The following ADGRL3 variants were observed in gnomAD, a reference collection of about 807,000 sequenced individuals.
The protein encoded by ADGRL3 is calcium-independent alpha-latrotoxin receptor 3.
ADGRL3 carries 62 observed loss-of-function variants against 153.5 expected under a neutral mutation model. The observed-to-expected ratio is 0.40, with a 90% CI of 0.33 to 0.50. The LOEUF is 0.50. ADGRL3 is among the 20% of genes least tolerant of loss of function. ADGRL3 has a pLI of 0.47. For missense variants in ADGRL3, 1,641 were observed against 1,859.4 expected (o/e 0.88, Z 2.16); for synonymous variants, 710 against 672.5 (o/e 1.06, Z -0.86).
At chr4:61,999,694 C>A (rs1219611068) in intron 21 of ADGRL3, among the ~76,000 whole-genome samples, 1 of 151,714 alleles carries the variant, frequency 6.6e-6, no homozygotes, top group Non-Finnish European at 1.5e-5. Context: ...GTTCCTGGCC[C>A]GTAGTAGACC....
intron 8 of ADGRL3, among the ~76,000 whole-genome samples, chr4:61,745,777 G>A (rs60462849): frequency 0.089 from 13,451 of 151,958 alleles, 1,206 homozygotes; most frequent in African/African-American, 0.23. Flanking sequence ...AAAGACCATC[G>A]AGGCTAGGAA....
At chr4:61,745,377 C>T (rs937673542) in intron 8 of ADGRL3, among the ~76,000 whole-genome samples, 2 of 151,870 alleles carry the variant, frequency 1.3e-5, no homozygotes, top group Admixed American at 6.6e-5. Context: ...AGATACTCCT[C>T]GAGAAGAGCA....
chr4:61,961,484 A>T (rs2098987614), intron 17 of ADGRL3, among the ~76,000 whole-genome samples: 1 of 152,206 alleles, frequency 6.6e-6, no homozygotes. Context: ...ATAAAACAGG[A>T]AAAGGAGAAA....
At chr4:61,272,043 G>T (rs968581027) in intron 1 of ADGRL3, among the ~76,000 whole-genome samples, 1 of 151,922 alleles carries the variant, frequency 6.6e-6, no homozygotes, top group Non-Finnish European at 1.5e-5. Flanking sequence ...TGAGGTCTTT[G>T]GGTAGTGGAA....
intron 4 of ADGRL3, among the ~76,000 whole-genome samples, chr4:61,531,646 A>T (rs930232723): frequency 6.6e-6 from 1 of 152,242 alleles, no homozygotes; most frequent in South Asian, 2.1e-4. Flanking sequence ...ACTTGGGAAG[A>T]AATTACAAAT....
chr4:61,502,900 T>A (rs79922417), intron 3 of ADGRL3, among the ~76,000 whole-genome samples: 3,459 of 152,278 alleles, frequency 0.023, 43 homozygotes, highest in Non-Finnish European at 0.036. Context: ...CCTTGAAATG[T>A]TTATAACGCT....
chr4:61,767,063 G>C (rs921985746), intron 8 of ADGRL3, among the ~76,000 whole-genome samples: 2 of 151,996 alleles, frequency 1.3e-5, no homozygotes, highest in African/African-American at 4.8e-5. Flanking sequence ...AGTGGGGTAA[G>C]GGTGATTAGG....
intron 2 of ADGRL3, among the ~76,000 whole-genome samples, chr4:61,458,073 G>A (rs2097773267): frequency 6.6e-6 from 1 of 151,776 alleles, no homozygotes; most frequent in African/African-American, 2.4e-5. Flanking sequence ...TATGTTTGCA[G>A]ATAGCAACTA....
intron 5 of ADGRL3, among the ~76,000 whole-genome samples, chr4:61,593,101 G>C (rs1025137772): frequency 6.7e-6 from 1 of 150,276 alleles, no homozygotes; most frequent in South Asian, 2.1e-4. Context: ...ATTGCATAAA[G>C]AAACAGACTC....
intron 5 of ADGRL3, among the ~76,000 whole-genome samples, chr4:61,642,563 G>A (rs1395111782): frequency 6.6e-6 from 1 of 152,090 alleles, no homozygotes; most frequent in Admixed American, 6.5e-5. Context: ...CCCATTGCTT[G>A]TTTTTGTCAG....
intron 1 of ADGRL3, among the ~76,000 whole-genome samples, chr4:61,374,372 T>C (rs188336593): frequency 3.9e-5 from 6 of 152,308 alleles, no homozygotes; most frequent in African/African-American, 1.2e-4. Flanking sequence ...TAGGTCTTGA[T>C]TGAGGGCCTC....
At chr4:61,385,514 C>T (rs1034672203) in intron 2 of ADGRL3, 11 of 152,320 alleles carry the variant, frequency 7.2e-5, no homozygotes, top group Non-Finnish European at 1.3e-4. Context: ...ACAACAACTC[C>T]TCCGTGAATT....
intron 15 of ADGRL3, 48 bp from the exon 16 acceptor site, chr4:61,946,866 T>G (rs532997846): frequency 3.6e-6 from 5 of 1,398,466 alleles, no homozygotes; most frequent in Admixed American, 1.7e-5. Context: ...TAGTACTAAC[T>G]AATTTAAGTA....
chr4:61,598,422 T>A (rs1335179509), intron 5 of ADGRL3, among the ~76,000 whole-genome samples: 1 of 152,188 alleles, frequency 6.6e-6, no homozygotes, highest in Non-Finnish European at 1.5e-5. Flanking sequence ...TATACATATG[T>A]CATAGCTGTA....
chr4:61,751,969 C>T (rs2096762658), intron 8 of ADGRL3, among the ~76,000 whole-genome samples: 1 of 152,044 alleles, frequency 6.6e-6, no homozygotes, highest in Non-Finnish European at 1.5e-5. Flanking sequence ...GAAAGAACGG[C>T]ATTTTCTTAT....
intron 9 of ADGRL3, among the ~76,000 whole-genome samples, chr4:61,837,918 G>A (rs1056976106): frequency 6.6e-6 from 1 of 152,112 alleles, no homozygotes; most frequent in African/African-American, 2.4e-5. Context: ...GTTAAATGAA[G>A]TGAGAATTCC....
intron 8 of ADGRL3, among the ~76,000 whole-genome samples, chr4:61,757,566 A>T (rs1445040473): frequency 1.3e-5 from 2 of 152,016 alleles, no homozygotes; most frequent in Non-Finnish European, 2.9e-5. Flanking sequence ...TTTTCAAAAA[A>T]CCAGCTCCTG....
chr4:61,818,828 C>A (rs2097718143), intron 9 of ADGRL3, among the ~76,000 whole-genome samples: 1 of 152,076 alleles, frequency 6.6e-6, no homozygotes, highest in Admixed American at 6.6e-5. Flanking sequence ...TTGTTCAATC[C>A]AATTGCAGTT....
At chr4:61,740,642 G>A (rs1247053650) in intron 8 of ADGRL3, among the ~76,000 whole-genome samples, 2 of 152,152 alleles carry the variant, frequency 1.3e-5, no homozygotes, top group Non-Finnish European at 2.9e-5. Flanking sequence ...TGGGAAAGTA[G>A]GTTCAAATTG....
Sources: gnomAD v4.1 joint callset for allele counts (sites outside exome capture counted in the v4.1 genomes callset) on GRCh38, gnomAD v4.1.1 for gene constraint, MANE v1.5 for transcripts, NCBI Gene and HGNC (gene_info 2026-07-23, HGNC 2026-07-21) for gene names.